TJP1: variants seen among roughly 807,000 people sequenced by gnomAD.
The protein encoded by TJP1 is tight junction protein 1.
Under a neutral mutation model 194.2 loss-of-function variants are expected in TJP1, and 43 were observed. The ratio of observed to expected loss-of-function variants is 0.22; its 90% CI spans 0.17 to 0.29. The LOEUF is 0.29. Ranked by LOEUF, TJP1 falls within the 10% of genes least tolerant of loss-of-function variation. The pLI is 1.00. For synonymous variants in TJP1, 801 were observed against 779.0 expected (o/e 1.03, Z -0.47); for missense variants, 1,971 against 2,185.7 (o/e 0.90, Z 1.96).
At chr15:29,948,210 C>G (rs529110586) in intron 2 of TJP1, among the ~76,000 whole-genome samples, 4 of 147,766 alleles carry the variant, frequency 2.7e-5, no homozygotes, top group Non-Finnish European at 5.9e-5. Flanking sequence ...TGCAGTGAGG[C>G]GAGATCGTGC....
chr15:29,719,252 A>G, intron 20 of TJP1, 114 bp from the exon 21 acceptor site: 1 of 1,250,640 alleles, frequency 8.0e-7, no homozygotes, highest in Non-Finnish European at 1.1e-6. Context: ...GGTATGTTTT[A>G]CCATTTATTA....
chr15:29,887,004 G>A (rs574321752), intron 2 of TJP1, among the ~76,000 whole-genome samples: 3 of 151,826 alleles, frequency 2.0e-5, no homozygotes, highest in South Asian at 2.1e-4. Flanking sequence ...CATGTAAGCC[G>A]TGTGGCACAG....
chr15:29,729,681 G>T (rs1293312991), intron 15 of TJP1: 2 of 152,234 alleles, frequency 1.3e-5, no homozygotes, highest in Admixed American at 1.3e-4. Flanking sequence ...TTAGCCGGGC[G>T]TGGTGGCGGG....
intron 2 of TJP1, among the ~76,000 whole-genome samples, chr15:29,859,185 A>G (rs2051976420): frequency 6.6e-6 from 1 of 152,268 alleles, no homozygotes; most frequent in Admixed American, 6.5e-5. Flanking sequence ...GTTTAATCAT[A>G]ACTATATAAA....
intron 2 of TJP1, among the ~76,000 whole-genome samples, chr15:29,796,340 T>C (rs1420982931): frequency 1.2e-5 from 1 of 83,150 alleles, no homozygotes; most frequent in Non-Finnish European, 2.5e-5. Context: ...AAGGTTGCTA[T>C]AAAAAAAAAA....
intron 1 of TJP1, among the ~76,000 whole-genome samples, chr15:29,966,942 C>T (rs1183290534): frequency 2.6e-5 from 4 of 152,056 alleles, no homozygotes; most frequent in African/African-American, 9.7e-5. Flanking sequence ...ACATCTCCCA[C>T]GGACATGTTT....
chr15:29,774,753 T>G (rs2046911198), intron 2 of TJP1, among the ~76,000 whole-genome samples: 1 of 152,002 alleles, frequency 6.6e-6, no homozygotes, highest in South Asian at 2.1e-4. Context: ...GTGAATTATA[T>G]GGCAATAAAG....
intron 2 of TJP1, among the ~76,000 whole-genome samples, chr15:29,909,690 C>T (rs1046967370): frequency 3.3e-5 from 5 of 152,012 alleles, no homozygotes; most frequent in Admixed American, 2.0e-4. Context: ...CCTTAGGGTA[C>T]TGCTCCCTGG....
In TJP1 at chr15:29,816,350, A is replaced by C. The variant is rs1287346161; in HGVS notation, c.27+5652T>G. ...GGTGTCTTTCCTAATAATATAATGT[A>C]ATTTGTGCCAATATATAACCTGGGG... On this transcript the variant is annotated intron_variant, in intron 1 of 27. Transcript: ENST00000614355. 5.3e-5 allele frequency among the ~76,000 whole-genome samples: 8 copies of C among 152,252 alleles called. No individual in the cohort carries two copies. The South Asian group carries it at 1.5e-3, about 28-fold the overall frequency.
At chr15:29,886,586 A>G (rs2053121690) in intron 2 of TJP1, among the ~76,000 whole-genome samples, 1 of 151,418 alleles carries the variant, frequency 6.6e-6, no homozygotes, top group African/African-American at 2.4e-5. Context: ...CCTGAGCCAT[A>G]GAGAGAGGCC....
intron 1 of TJP1, among the ~76,000 whole-genome samples, chr15:29,801,606 C>G (rs1162987894): frequency 1.3e-5 from 2 of 150,216 alleles, no homozygotes; most frequent in Admixed American, 1.3e-4. Context: ...GGACTACAGG[C>G]GCCCGCCACT....
rs757613483 is a variant in TJP1, at chr15:29,726,829, A to G, written c.2263T>C (p.Tyr755His). ...TTACGAAGTTTATGAGATCGCTCGT[A>G]TAACTTCCTGGCACTTTTCCGAGAT... ...PESRKSARKL[Y>H]ERSHKLRKNN... is the part of the protein sequence containing the mutation. Residue 755 changes from tyrosine (Y) to histidine (H), a missense_variant, in exon 17 of 28, where the codon TAC (tyrosine) becomes CAC (histidine). This residue lies in a region of TJP1 where 402 missense variants were observed against 484.2 expected (regional missense o/e 0.83). Transcript: ENST00000614355. The G allele has an allele frequency of 2.5e-6, 4 of 1,614,164 alleles. No individual in the cohort carries two copies. Among genetic ancestry groups the G allele is most frequent in the Admixed American group, 3.3e-5 (2 of 60,030 alleles).
At chr15:29,910,301 T>C (rs952670351) in intron 2 of TJP1, among the ~76,000 whole-genome samples, 6 of 152,260 alleles carry the variant, frequency 3.9e-5, no homozygotes, top group African/African-American at 1.4e-4. Context: ...AGTGTGTTTA[T>C]ATTTTTAAAC....
In TJP1 at chr15:29,718,630, A is replaced by G; in HGVS notation, c.3512T>C (p.Leu1171Pro). The G allele has an allele frequency of 6.2e-7, 1 of 1,614,092 alleles. No homozygotes were observed. Among genetic ancestry groups the G allele is most frequent in the Non-Finnish European group, 8.5e-7 (1 of 1,180,030 alleles). The change falls in exon 21 of 28, where the codon CTC (leucine) becomes CCC (proline). Residue 1171 changes from leucine (L) to proline (P), a missense_variant. Physicochemically the swap from Leu to Pro is moderately conservative, Grantham distance 98 (BLOSUM62 -3). Around this residue, in one of 5 missense-constraint regions of TJP1, gnomAD observed 1,108 missense variants for 1,128.5 expected, o/e 0.98. Transcript: ENST00000614355. Reference protein sequence around the residue: ...PAPGYDTHGRLRPEAQPHPSA... With the variant: ...PAPGYDTHGRPRPEAQPHPSA... ...AGGGTGGGGCTGGGCTTCCGGTCTG[A>G]GTCTACCATGTGTGTCATACCCAGG...
chr15:29,716,779 T>C lies in TJP1; in HGVS notation c.4034A>G (p.His1345Arg), dbSNP rs372345376. 28 of 1,613,962 alleles carry C rather than the reference T, an allele frequency of 1.7e-5. No homozygotes were observed. In the African/African-American group the frequency reaches 3.6e-4, roughly 21 times the overall value. The change falls in exon 23 of 28, where the codon CAT becomes CGT. Residue 1345 changes from histidine (H) to arginine (R), a missense_variant. Physicochemically the swap from His to Arg is conservative, Grantham distance 29. Around this residue, in one of 5 missense-constraint regions of TJP1, gnomAD observed 1,108 missense variants for 1,128.5 expected, o/e 0.98. Coordinates refer to ENST00000614355, the MANE Select transcript of TJP1 (RefSeq NM_001330239.4). ...KPPEDIVRSNHYDPEEDEEYY... is the reference protein window; with the variant it reads ...KPPEDIVRSNRYDPEEDEEYY... ...TTCTTCATCTTCTTCAGGGTCATAA[T>C]GATTGGACCGAACAATATCTTCAGG...
intron 1 of TJP1, among the ~76,000 whole-genome samples, chr15:29,808,938 G>A (rs2049300240): frequency 6.6e-6 from 1 of 152,122 alleles, no homozygotes; most frequent in Admixed American, 6.5e-5. Flanking sequence ...AATCAAATCT[G>A]AATCTGATCA....
chr15:29,935,954 T>C (rs1284197887), intron 2 of TJP1, among the ~76,000 whole-genome samples: 1 of 151,492 alleles, frequency 6.6e-6, no homozygotes, highest in East Asian at 1.9e-4. Context: ...CTAGCCAGGG[T>C]TCCCTCTCCT....
intron 1 of TJP1, among the ~76,000 whole-genome samples, chr15:29,957,341 T>G (rs1450784123): frequency 6.6e-6 from 1 of 152,158 alleles, no homozygotes; most frequent in Non-Finnish European, 1.5e-5. Context: ...TTGAAGGGTA[T>G]AAAAAGATAT....
rs2041470070 is a variant in TJP1, at chr15:29,700,437, T to C, written c.*1158A>G. 2.5e-6 allele frequency: 1 copy of C among 398,812 alleles called. No individual in the cohort carries two copies. The highest frequency in any genetic ancestry group is 4.4e-6 in the Non-Finnish European group (1 of 226,032). 24.7% of individuals were successfully genotyped at this position (398,812 alleles called of 1,614,324 possible). The stretch of plus-strand genomic sequence containing the variant: ...GCAGCACTTAAAAATGTAACAACTC[T>C]GTGCATCCTTTTTCTTAAAAAAAAT... On this transcript the variant is annotated 3_prime_UTR_variant, in exon 28 of 28. Coordinates refer to ENST00000614355, the MANE Select transcript of TJP1 (RefSeq NM_001330239.4).
Sources: gnomAD v4.1 joint callset for allele counts (sites outside exome capture counted in the v4.1 genomes callset) on GRCh38, gnomAD v4.1.1 for gene constraint, gnomAD v4.1.1 regional missense constraint, MANE v1.5 for transcripts, NCBI Gene and HGNC (gene_info 2026-07-23, HGNC 2026-07-21) for gene names.